The following NTNG1 variants were observed in gnomAD, a reference collection of about 807,000 sequenced individuals.
NTNG1 encodes the protein netrin-G1.
Under a neutral mutation model 54.0 loss-of-function variants are expected in NTNG1, and 16 were observed. That is an observed-to-expected ratio of 0.30 (90% CI 0.20 to 0.45). The LOEUF (loss-of-function observed/expected upper bound fraction) is 0.45, where lower values mean the gene tolerates loss of function less well. Ranked by LOEUF, NTNG1 falls within the 20% of genes least tolerant of loss-of-function variation. The pLI, the probability that NTNG1 is intolerant of heterozygous loss-of-function variation, is 1.00. For synonymous variants in NTNG1, 255 were observed against 263.1 expected, an observed-to-expected ratio of 0.97 and a Z score of 0.30; for missense variants, 530 against 678.7, an observed-to-expected ratio of 0.78 and a Z score of 2.43.
chr1:107,144,098 T>A (rs77753288), intron 1 of NTNG1, among the ~76,000 whole-genome samples: 7,318 of 152,186 alleles, frequency 0.048, 567 homozygotes, highest in African/African-American at 0.17. Context: ...TTCCATTAAG[T>A]TGACTAGAAA....
intron 2 of NTNG1, among the ~76,000 whole-genome samples, chr1:107,210,871 A>G (rs1407456337): frequency 6.6e-6 from 1 of 152,144 alleles, no homozygotes; most frequent in East Asian, 1.9e-4. Flanking sequence ...ATGTTCCTGC[A>G]GATGCCGAGT....
chr1:107,467,774 G>A (rs1677699705), intron 7 of NTNG1, among the ~76,000 whole-genome samples: 1 of 152,190 alleles, frequency 6.6e-6, no homozygotes, highest in Admixed American at 6.5e-5. Context: ...TCCTTTCTTA[G>A]CCTTGCTGAT....
At chr1:107,474,661 G>C (rs1038605747) in intron 7 of NTNG1, among the ~76,000 whole-genome samples, 2 of 152,210 alleles carry the variant, frequency 1.3e-5, no homozygotes. Flanking sequence ...AGATCAAGGG[G>C]CTCACATCTT....
intron 2 of NTNG1, among the ~76,000 whole-genome samples, chr1:107,316,672 G>A (rs961319916): frequency 6.6e-6 from 1 of 152,100 alleles, no homozygotes; most frequent in African/African-American, 2.4e-5. Flanking sequence ...TCCAGGAAAT[G>A]GCATTGTGTT....
intron 2 of NTNG1, among the ~76,000 whole-genome samples, chr1:107,234,014 A>T (rs1373095393): frequency 6.6e-6 from 1 of 152,174 alleles, no homozygotes; most frequent in African/African-American, 2.4e-5. Context: ...GGAGCCCTGG[A>T]GATAGGCTTT....
At chr1:107,474,528 A>T (rs1301438869) in intron 7 of NTNG1, among the ~76,000 whole-genome samples, 1 of 152,238 alleles carries the variant, frequency 6.6e-6, no homozygotes, top group South Asian at 2.1e-4. Flanking sequence ...AGAGAGTCCC[A>T]TGATTAACTA....
intron 7 of NTNG1, among the ~76,000 whole-genome samples, chr1:107,473,648 G>A (rs938577082): frequency 1.3e-5 from 2 of 152,142 alleles, no homozygotes; most frequent in Admixed American, 6.5e-5. Flanking sequence ...CATCCAAGAT[G>A]GTGCAAGAAA....
rs150763213 is a variant in NTNG1 at position 107,322,067 on chromosome 1, A to G, written c.247-2215A>G. Among the ~76,000 whole-genome samples, 720 of 152,332 alleles carry G rather than the reference A, an allele frequency of 4.7e-3. 2 individuals are homozygous for G. Among genetic ancestry groups the G allele is most frequent in the Non-Finnish European group, 7.6e-3 (520 of 68,020 alleles). ...TTATTGCCAAGACTTTATATTAAGT[A>G]TAGGCATGAGAGCCTTTTACATAGA... On this transcript the variant is annotated intron_variant, in intron 2 of 7. Transcript: ENST00000370068.
At chr1:107,358,442 G>A (rs970610018) in intron 3 of NTNG1, among the ~76,000 whole-genome samples, 2 of 151,832 alleles carry the variant, frequency 1.3e-5, no homozygotes, top group African/African-American at 4.8e-5. Flanking sequence ...ACGAGTGGGG[G>A]TTTCCTGTTC....
intron 7 of NTNG1, among the ~76,000 whole-genome samples, chr1:107,471,951 G>A (rs750719503): frequency 1.3e-5 from 2 of 152,062 alleles, no homozygotes; most frequent in Non-Finnish European, 2.9e-5. Flanking sequence ...TATTTTTTTA[G>A]AGCACCTCCA....
At chr1:107,300,076 G>A (rs1424979397) in intron 2 of NTNG1, among the ~76,000 whole-genome samples, 1 of 152,126 alleles carries the variant, frequency 6.6e-6, no homozygotes, top group Non-Finnish European at 1.5e-5. Flanking sequence ...GCCATTTCCA[G>A]AACTCTTCTA....
At chr1:107,277,661 G>A (rs1301474667) in intron 2 of NTNG1, among the ~76,000 whole-genome samples, 2 of 152,174 alleles carry the variant, frequency 1.3e-5, no homozygotes, top group Non-Finnish European at 2.9e-5. Flanking sequence ...ATGAGTAGAT[G>A]TTCTACTAAG....
intron 2 of NTNG1, among the ~76,000 whole-genome samples, chr1:107,228,661 A>C (rs1467621849): frequency 6.6e-6 from 1 of 152,176 alleles, no homozygotes; most frequent in African/African-American, 2.4e-5. Flanking sequence ...TCCTGTTATT[A>C]TTCCAGTTGT....
intron 3 of NTNG1, among the ~76,000 whole-genome samples, chr1:107,393,322 G>A (rs745315535): frequency 2.2e-4 from 34 of 152,096 alleles, no homozygotes; most frequent in African/African-American, 7.0e-4. Context: ...AACATCCTCC[G>A]TATATAGAAA....
chr1:107,437,180 T>A (rs897738756), intron 7 of NTNG1, among the ~76,000 whole-genome samples: 9 of 152,118 alleles, frequency 5.9e-5, no homozygotes, highest in Non-Finnish European at 1.3e-4. Flanking sequence ...AGCTCCAGAG[T>A]TCATAAATTA....
chr1:107,147,913 T>C (rs1323372245), intron 1 of NTNG1, among the ~76,000 whole-genome samples, 156 bp from the exon 2 acceptor site: 1 of 152,200 alleles, frequency 6.6e-6, no homozygotes, highest in African/African-American at 2.4e-5. Flanking sequence ...ATGATTTCCA[T>C]GGTTTGCTCA....
At chr1:107,240,969 C>A (rs1661784856) in intron 2 of NTNG1, among the ~76,000 whole-genome samples, 1 of 152,102 alleles carries the variant, frequency 6.6e-6, no homozygotes, top group East Asian at 1.9e-4. Flanking sequence ...TCTTTAAAAT[C>A]ACTTCGGATT....
At chr1:107,412,657 C>T (rs1301637045) in intron 5 of NTNG1, among the ~76,000 whole-genome samples, 1 of 152,114 alleles carries the variant, frequency 6.6e-6, no homozygotes, top group African/African-American at 2.4e-5. Flanking sequence ...AGTTCATTTT[C>T]GGATTCCTTA....
intron 3 of NTNG1, among the ~76,000 whole-genome samples, chr1:107,386,184 T>G (rs1671988149): frequency 6.8e-6 from 1 of 147,414 alleles, no homozygotes; most frequent in Admixed American, 6.8e-5. Flanking sequence ...TTTTTCTTCC[T>G]TTGAAATGGG....
Sources: allele counts gnomAD v4.1 joint callset (sites outside exome capture counted in the v4.1 genomes callset), GRCh38; gene constraint gnomAD v4.1.1; transcripts MANE v1.5; gene names NCBI Gene and HGNC (gene_info 2026-07-23, HGNC 2026-07-21).